The following USH2A variants were observed in gnomAD, a reference collection of about 807,000 sequenced individuals.
The protein encoded by USH2A is usherin, also known as Usher syndrome 2A (autosomal recessive, mild).
A neutral mutation model predicts 538.9 loss-of-function variants in USH2A; 443 were observed. The observed-to-expected ratio is 0.82, with a 90% confidence interval of 0.76 to 0.89. The LOEUF (loss-of-function observed/expected upper bound fraction) is 0.89, where lower values mean the gene tolerates loss of function less well. Among genes scored for constraint, USH2A ranks in the 40% least tolerant of loss-of-function variants. The pLI, the probability that USH2A is intolerant of heterozygous loss-of-function variation, is 0.00. For missense variants in USH2A, 6,633 were observed against 6,324.8 expected (o/e 1.05, Z -1.65); for synonymous variants, 2,413 against 2,273.5 (o/e 1.06, Z -1.75).
intron 4 of USH2A, among the ~76,000 whole-genome samples, chr1:216,333,229 C>T (rs1481613953): frequency 6.6e-6 from 1 of 151,612 alleles, no homozygotes; most frequent in Non-Finnish European, 1.5e-5. Context: ...GGATCACGAG[C>T]CCAGCAGTTT....
intron 9 of USH2A, among the ~76,000 whole-genome samples, chr1:216,301,962 A>G (rs1002851216): frequency 2.0e-5 from 3 of 152,180 alleles, no homozygotes; most frequent in South Asian, 2.1e-4. Context: ...ATGGTAATTC[A>G]AAGGATCCAG....
chr1:216,349,548 G>A (rs898884899), intron 4 of USH2A, among the ~76,000 whole-genome samples: 2 of 152,138 alleles, frequency 1.3e-5, no homozygotes, highest in African/African-American at 2.4e-5. Context: ...AAACCAATAC[G>A]GCAATAAGAG....
chr1:215,648,975 A>AC (rs1479939899), intron 65 of USH2A, among the ~76,000 whole-genome samples: 3 of 152,196 alleles, frequency 2.0e-5, no homozygotes, highest in African/African-American at 4.8e-5. Context: ...TGATAATGTA[A>AC]CCGTTAAATA....
intron 60 of USH2A, among the ~76,000 whole-genome samples, chr1:215,737,805 G>T (rs1270904340): frequency 6.6e-6 from 1 of 151,892 alleles, no homozygotes; most frequent in Non-Finnish European, 1.5e-5. Context: ...AATTCAATCA[G>T]CTTAATTATC....
chr1:216,240,597 A>T (rs2035919366), intron 13 of USH2A, among the ~76,000 whole-genome samples: 8 of 152,050 alleles, frequency 5.3e-5, no homozygotes, highest in Admixed American at 4.6e-4. Flanking sequence ...AACCATTTAA[A>T]TTTTTTTAAT....
intron 11 of USH2A, among the ~76,000 whole-genome samples, chr1:216,270,856 T>C (rs1177607000): frequency 2.0e-5 from 3 of 152,062 alleles, no homozygotes; most frequent in Non-Finnish European, 4.4e-5. Context: ...ATTACAGGCA[T>C]GAGCCACTGT....
chr1:216,112,239 A>AT (rs1189676868), intron 21 of USH2A, among the ~76,000 whole-genome samples: 1 of 152,068 alleles, frequency 6.6e-6, no homozygotes, highest in Non-Finnish European at 1.5e-5. Context: ...TTAAACATGT[A>AT]TTTTTTCTTC....
chr1:215,859,152 G>A (rs899431359), intron 44 of USH2A, among the ~76,000 whole-genome samples: 16 of 152,068 alleles, frequency 1.1e-4, no homozygotes, highest in African/African-American at 3.4e-4. Context: ...CCTTAATTAC[G>A]GTTGACCCTT....
At position 216,418,596 on chromosome 1, in the gene USH2A, G is replaced by A; in HGVS notation, c.569C>T (p.Thr190Ile). The change falls in exon 3 of 72, where the codon ACA becomes ATA. Residue 190 changes from threonine to isoleucine, a missense_variant. Thr to Ile is a moderately conservative substitution (Grantham distance 89). Transcript: ENST00000307340. ...SEKETMFYYR[T>I]VNGLQPPIKV... The stretch of plus-strand genomic sequence containing the variant: ...TATTGGAGGTTGCAAACCATTTACT[G>A]TGCGATAATAAAACATGGTCTCTTT... 6.2e-7 allele frequency: 1 copy of A among 1,613,306 alleles called. No individual in the cohort carries two copies. The highest frequency in any genetic ancestry group is 8.5e-7 in the Non-Finnish European group (1 of 1,179,562).
chr1:215,920,261 T>C (rs1226563431), intron 38 of USH2A, among the ~76,000 whole-genome samples: 2 of 151,994 alleles, frequency 1.3e-5, no homozygotes, highest in African/African-American at 4.8e-5. Context: ...GCTAATGCTT[T>C]TCCTACTAGT....
At chr1:216,106,599 TC>T (rs1334706182) in intron 21 of USH2A, among the ~76,000 whole-genome samples, 3 of 151,356 alleles carry the variant, frequency 2.0e-5, no homozygotes, top group African/African-American at 7.3e-5. Context: ...CACTCTCCAT[TC>T]CCCAACACCC....
At chr1:216,043,558 T>A (rs1248959310) in intron 32 of USH2A, among the ~76,000 whole-genome samples, 1 of 152,138 alleles carries the variant, frequency 6.6e-6, no homozygotes, top group Non-Finnish European at 1.5e-5. Context: ...TTTCTTTATA[T>A]TTGGGGCTTC....
At chr1:216,218,001 T>C (rs1365815630) in intron 14 of USH2A, among the ~76,000 whole-genome samples, 1 of 152,062 alleles carries the variant, frequency 6.6e-6, no homozygotes, top group Non-Finnish European at 1.5e-5. Flanking sequence ...GGGTAAATCA[T>C]TGCTCTCCCT....
intron 21 of USH2A, among the ~76,000 whole-genome samples, chr1:216,121,560 C>T (rs2033139642): frequency 6.6e-6 from 1 of 152,060 alleles, no homozygotes; most frequent in Non-Finnish European, 1.5e-5. Context: ...TGCATTAATG[C>T]TGCATTAATC....
At chr1:216,363,671 A>G (rs768226330) in intron 4 of USH2A, among the ~76,000 whole-genome samples, 1 of 152,104 alleles carries the variant, frequency 6.6e-6, no homozygotes, top group Non-Finnish European at 1.5e-5. Context: ...GCACTGAAAC[A>G]TTAAAAAAAC....
Position 215,960,552 on chromosome 1 carries a change from G to T in USH2A, c.7120+4765C>A, listed in dbSNP as rs116280619. On this transcript the variant is annotated intron_variant, in intron 37 of 71. Coordinates refer to ENST00000307340, the MANE Select transcript of USH2A (RefSeq NM_206933.4). ...TCATTGAGCAAAGCACTTATTCCAG[G>T]TCAGTAAATGGCACTTGCACACCCT... Among the ~76,000 whole-genome samples, 1,006 of 152,116 alleles carry T rather than the reference G, an allele frequency of 6.6e-3. 16 individuals carry two copies. Among genetic ancestry groups the T allele is most frequent in the African/African-American group, 0.023 (943 of 41,508 alleles).
chr1:215,854,758 C>A (rs532486246), intron 44 of USH2A, among the ~76,000 whole-genome samples: 1 of 152,264 alleles, frequency 6.6e-6, no homozygotes, highest in Admixed American at 6.5e-5. Context: ...GCATGAATAA[C>A]CTGGTCACCC....
chr1:216,036,091 GCT>G (rs1237635970), intron 32 of USH2A, among the ~76,000 whole-genome samples: 1 of 152,074 alleles, frequency 6.6e-6, no homozygotes, highest in Admixed American at 6.6e-5. Flanking sequence ...GGTAGATAGT[GCT>G]AGAGGTCATC....
chr1:215,643,217 CA>C (rs1391906491), intron 67 of USH2A, among the ~76,000 whole-genome samples: 2 of 152,094 alleles, frequency 1.3e-5, no homozygotes, highest in Non-Finnish European at 2.9e-5. Context: ...AGGCTCGTCT[CA>C]AACTCCTGAC....
Sources: allele counts gnomAD v4.1 joint callset (sites outside exome capture counted in the v4.1 genomes callset), GRCh38; gene constraint gnomAD v4.1.1; transcripts MANE v1.5; gene names NCBI Gene and HGNC (gene_info 2026-07-23, HGNC 2026-07-21).